Variants in FRK observed in about 807,000 individuals in gnomAD.
FRK encodes the protein fyn related Src family tyrosine kinase.
Under a neutral mutation model 56.4 loss-of-function variants are expected in FRK, and 51 were observed. That is an observed-to-expected ratio of 0.90 (90% CI 0.72 to 1.14). The LOEUF is 1.14. Ranked by LOEUF, FRK falls within the 50% of genes most tolerant of loss-of-function variation. The pLI is 0.00. For missense variants in FRK, 570 were observed against 601.4 expected, an observed-to-expected ratio of 0.95 and a Z score of 0.55; for synonymous variants, 245 against 217.9, an observed-to-expected ratio of 1.12 and a Z score of -1.10.
chr6:116,086,795 T>C, the FRK span, among the ~76,000 whole-genome samples: 1 of 152,248 alleles, frequency 6.6e-6, no homozygotes, highest in Non-Finnish European at 1.5e-5. Flanking sequence ...GGGAATTCAT[T>C]CATTCATTCA....
At chr6:116,098,687 T>C in the FRK span, among the ~76,000 whole-genome samples, 6 of 152,196 alleles carry the variant, frequency 3.9e-5, no homozygotes, top group Non-Finnish European at 7.4e-5. Context: ...ACTGAACTTG[T>C]AGTTGATAAT....
At chr6:116,053,001 T>G (rs1194885296) in intron 1 of FRK, among the ~76,000 whole-genome samples, 1 of 152,118 alleles carries the variant, frequency 6.6e-6, no homozygotes, top group Non-Finnish European at 1.5e-5. Flanking sequence ...TCCTATAAGA[T>G]AGGTGTCACT....
chr6:115,982,566 C>A (rs529814439), intron 2 of FRK, among the ~76,000 whole-genome samples: 56 of 152,164 alleles, frequency 3.7e-4, no homozygotes, highest in African/African-American at 1.3e-3. Flanking sequence ...GACAAACCAC[C>A]CCTTAGTTAC....
chr6:115,932,857 T>A lies in FRK; in HGVS notation c.*9557A>T, dbSNP rs1771980796. The A allele has an allele frequency of 6.6e-6, 1 of 152,218 alleles. No individual in the cohort carries two copies. The highest frequency in any genetic ancestry group is 2.4e-5 in the African/African-American group (1 of 41,442). 9.4% of individuals were successfully genotyped at this position (152,218 alleles called of 1,614,324 possible). ...TTTGGGCCCCTCCTGGTTCATTAGA[T>A]CCACATGGTCATCATACAGATATTG... On this transcript the variant is annotated 3_prime_UTR_variant, in exon 8 of 8. Transcript: ENST00000606080.
chr6:115,935,631 A>C lies in FRK; in HGVS notation c.*6783T>G, dbSNP rs1490293937. On this transcript the variant is annotated 3_prime_UTR_variant, in exon 8 of 8. Coordinates refer to ENST00000606080, the MANE Select transcript of FRK (RefSeq NM_002031.3). ...TCCTCATTGCAAGCACAGCAGTCTGAGGTCGACCTGGGACACTCGAGCTTG... is the reference window on the plus strand; with the variant it reads ...TCCTCATTGCAAGCACAGCAGTCTGCGGTCGACCTGGGACACTCGAGCTTG... 1.3e-5 allele frequency: 2 copies of C among 152,338 alleles called. No homozygotes were observed. The highest frequency in any genetic ancestry group is 2.9e-5 in the Non-Finnish European group (2 of 68,158). 9.4% of individuals were successfully genotyped at this position (152,338 alleles called of 1,614,324 possible).
At chr6:116,058,028 C>G (rs190491118) in intron 1 of FRK, among the ~76,000 whole-genome samples, 99 of 152,224 alleles carry the variant, frequency 6.5e-4, no homozygotes, top group Non-Finnish European at 1.2e-3. Context: ...TTGGTCATGG[C>G]AACCCCAGAG....
intron 1 of FRK, among the ~76,000 whole-genome samples, chr6:116,023,472 A>G (rs1775957281): frequency 6.6e-6 from 1 of 152,224 alleles, no homozygotes; most frequent in Non-Finnish European, 1.5e-5. Flanking sequence ...AACTAATGAT[A>G]CATACAACAA....
the FRK span, among the ~76,000 whole-genome samples, chr6:116,070,978 T>A: frequency 6.6e-6 from 1 of 152,294 alleles, no homozygotes; most frequent in South Asian, 2.1e-4. Flanking sequence ...ATAATAATGA[T>A]GTTTTAGCAA....
the FRK span, among the ~76,000 whole-genome samples, chr6:116,095,520 G>T: frequency 0.76 from 115,878 of 152,090 alleles, 45,052 homozygotes; most frequent in Middle Eastern, 0.9. Context: ...TTATCCTAAC[G>T]TCTAATCTTA....
intron 1 of FRK, among the ~76,000 whole-genome samples, chr6:116,057,543 C>A (rs991736590): frequency 6.6e-6 from 1 of 152,116 alleles, no homozygotes; most frequent in Non-Finnish European, 1.5e-5. Flanking sequence ...CAGGTGAAGA[C>A]CATGGTGTGC....
chr6:115,968,479 A>AT, intron 3 of FRK, 97 bp downstream of exon 3: 2 of 1,417,794 alleles, frequency 1.4e-6, no homozygotes, highest in South Asian at 1.4e-5. Context: ...TAAAATGACA[A>AT]TTTTTTTCCT....
At chr6:116,099,297 A>G in the FRK span, among the ~76,000 whole-genome samples, 1 of 152,220 alleles carries the variant, frequency 6.6e-6, no homozygotes, top group Non-Finnish European at 1.5e-5. Flanking sequence ...GTACATTTGT[A>G]TTACTAAGGG....
At chr6:115,995,572 G>C (rs1774805628) in intron 2 of FRK, among the ~76,000 whole-genome samples, 1 of 151,718 alleles carries the variant, frequency 6.6e-6, no homozygotes, top group African/African-American at 2.4e-5. Flanking sequence ...ATTAAGACAA[G>C]TCAATATGAG....
At chr6:116,099,538 G>A in the FRK span, among the ~76,000 whole-genome samples, 1 of 152,182 alleles carries the variant, frequency 6.6e-6, no homozygotes, top group Non-Finnish European at 1.5e-5. Flanking sequence ...AAACATGATT[G>A]TTGGACTCAT....
At chr6:116,065,292 T>C (rs1278194910), upstream of FRK, among the ~76,000 whole-genome samples, 3 of 152,148 alleles carry the variant, frequency 2.0e-5, no homozygotes, top group Non-Finnish European at 4.4e-5. Flanking sequence ...AGAGCTATCA[T>C]AAAGGAAAAT....
At chr6:116,039,050 C>T in intron 1 of FRK, 1 of 757,882 alleles carries the variant, frequency 1.3e-6, no homozygotes, top group Non-Finnish European at 2.5e-6. Flanking sequence ...AGAGAGTAGG[C>T]ATGTCTTTGG....
intron 1 of FRK, among the ~76,000 whole-genome samples, chr6:116,030,608 TA>T (rs993799721): frequency 4.6e-5 from 7 of 152,004 alleles, no homozygotes; most frequent in African/African-American, 1.7e-4. Flanking sequence ...AAACCCTCCA[TA>T]AAAAAGAACA....
chr6:115,967,765 G>A, intron 3 of FRK, 46 bp from the exon 4 acceptor site: 6 of 1,211,620 alleles, frequency 5.0e-6, no homozygotes, highest in Admixed American at 2.5e-5. Flanking sequence ...AAAAAAAGTA[G>A]ATTTAATATT....
rs1475207359 is a variant in FRK, at chr6:115,967,631, A to C, written c.719T>G (p.Leu240Trp). ...DRNSIQLLKR[L>W]GSGQFGEVWE... is the part of the protein sequence containing the mutation. ...TACTTCGCCAAACTGACCAGATCCC[A>C]ATCGCTTCAGAAGCTGTATGGAGTT... Residue 240 changes from leucine (L) to tryptophan (W), a missense_variant, in exon 4 of 8, where the codon TTG becomes TGG. Coordinates refer to ENST00000606080, the MANE Select transcript of FRK (RefSeq NM_002031.3). 3 of 1,613,716 alleles carry C rather than the reference A, an allele frequency of 1.9e-6. No individual in the cohort carries two copies. In the East Asian group the frequency reaches 6.7e-5, roughly 36 times the overall value.
Sources: gnomAD v4.1 joint callset for allele counts (sites outside exome capture counted in the v4.1 genomes callset) on GRCh38, gnomAD v4.1.1 for gene constraint, MANE v1.5 for transcripts, NCBI Gene and HGNC (gene_info 2026-07-23, HGNC 2026-07-21) for gene names.